The following DSCAM variants were observed in gnomAD, a reference collection of about 807,000 sequenced individuals.
The protein encoded by DSCAM is DS cell adhesion molecule.
DSCAM carries 47 observed loss-of-function variants against 217.7 expected under a neutral mutation model. The observed-to-expected ratio is 0.22, with a 90% CI of 0.17 to 0.28. The LOEUF (loss-of-function observed/expected upper bound fraction) is 0.28, where lower values mean the gene tolerates loss of function less well. Ranked by LOEUF, DSCAM falls within the 10% of genes least tolerant of loss-of-function variation. The pLI, the probability that DSCAM is intolerant of heterozygous loss-of-function variation, is 1.00. For synonymous variants in DSCAM, 1,056 were observed against 1,015.3 expected, an observed-to-expected ratio of 1.04 and a Z score of -0.76; for missense variants, 2,080 against 2,618.3, an observed-to-expected ratio of 0.79 and a Z score of 4.49.
In DSCAM at chr21:40,135,973, G is replaced by A. The variant is rs546804233; in HGVS notation, c.3407-1964C>T. Among the ~76,000 whole-genome samples, 345 of 152,328 alleles carry A rather than the reference G, an allele frequency of 2.3e-3. 3 individuals are homozygous for A. The highest frequency in any genetic ancestry group is 8.0e-3 in the African/African-American group (332 of 41,580). Reference sequence around the variant, plus strand: ...TGGCTCCCACAGTCCAGGCCCCAGTGGGAGCCAAAGGCCTGGGAGCACCAG... The same window carrying A: ...TGGCTCCCACAGTCCAGGCCCCAGTAGGAGCCAAAGGCCTGGGAGCACCAG... On this transcript the variant is annotated intron_variant, in intron 18 of 32. Transcript: ENST00000400454.
chr21:40,235,627 A>G (rs554548212), intron 11 of DSCAM, among the ~76,000 whole-genome samples: 105 of 152,214 alleles, frequency 6.9e-4, no homozygotes, highest in African/African-American at 2.4e-3. Context: ...TTCCATTCAA[A>G]ATGTATCTTC....
At chr21:40,289,478 T>TC (rs1197227622) in intron 10 of DSCAM, among the ~76,000 whole-genome samples, 1 of 152,072 alleles carries the variant, frequency 6.6e-6, no homozygotes, top group South Asian at 2.1e-4. Flanking sequence ...GTACAGTAGT[T>TC]CCCCCTCATC....
intron 3 of DSCAM, among the ~76,000 whole-genome samples, chr21:40,378,739 C>A (rs2074990926): frequency 6.6e-6 from 1 of 151,256 alleles, no homozygotes. Flanking sequence ...CTACAGGCGC[C>A]CGCTACCACG....
At chr21:40,197,639 TC>T (rs2091026829) in intron 11 of DSCAM, among the ~76,000 whole-genome samples, 1 of 152,210 alleles carries the variant, frequency 6.6e-6, no homozygotes, top group African/African-American at 2.4e-5. Flanking sequence ...CCCTTCTCTT[TC>T]CTCCTTCCTT....
At chr21:40,761,997 A>T (rs1329544555) in intron 1 of DSCAM, among the ~76,000 whole-genome samples, 2 of 152,236 alleles carry the variant, frequency 1.3e-5, no homozygotes, top group Non-Finnish European at 2.9e-5. Context: ...AAATGCCTAC[A>T]TCAGAAAGTG....
At chr21:40,175,281 T>A (rs958425159) in intron 15 of DSCAM, among the ~76,000 whole-genome samples, 61 of 152,210 alleles carry the variant, frequency 4.0e-4, no homozygotes, top group African/African-American at 1.4e-3. Context: ...GGCTAATTTT[T>A]TTTTGTATTT....
chr21:40,766,687 A>C (rs947079917), intron 1 of DSCAM, among the ~76,000 whole-genome samples: 3 of 115,624 alleles, frequency 2.6e-5, no homozygotes, highest in African/African-American at 3.5e-5. Flanking sequence ...AAAAAAAAAA[A>C]ACAACTTTTT....
chr21:40,382,422 C>A (rs2075035741), intron 3 of DSCAM, among the ~76,000 whole-genome samples: 1 of 152,174 alleles, frequency 6.6e-6, no homozygotes, highest in East Asian at 1.9e-4. Flanking sequence ...GCTTTGAGAC[C>A]AGCAAGTCTA....
At chr21:40,074,951 G>C in intron 27 of DSCAM, 86 bp downstream of exon 27, 1 of 1,418,476 alleles carries the variant, frequency 7.0e-7, no homozygotes, top group Non-Finnish European at 9.6e-7. Context: ...ACTCCCTTTT[G>C]AGGTTTGTTC....
intron 3 of DSCAM, among the ~76,000 whole-genome samples, chr21:40,628,383 C>T (rs2089632808): frequency 1.3e-5 from 2 of 152,138 alleles, no homozygotes; most frequent in African/African-American, 4.8e-5. Flanking sequence ...CCTCTACAGG[C>T]CTCTTCTTCT....
rs191476513 is a variant in DSCAM at position 40,247,198 on chromosome 21, G to T, written c.2356+28899C>A. 5.3e-5 allele frequency among the ~76,000 whole-genome samples: 8 copies of T among 152,024 alleles called. No homozygotes were observed. In the East Asian group the frequency reaches 9.7e-4, roughly 19 times the overall value. ...GATACAATTCAAGTTGAGATTTGGT[G>T]GGGGGGCACAGCCAAACCATATCAT... is the stretch of plus-strand genomic sequence containing the variant. On this transcript the variant is annotated intron_variant, in intron 11 of 32. Coordinates refer to ENST00000400454, the MANE Select transcript of DSCAM (RefSeq NM_001389.5).
chr21:40,045,945 G>GAATT (rs2088835484), intron 30 of DSCAM, among the ~76,000 whole-genome samples: 1 of 152,204 alleles, frequency 6.6e-6, no homozygotes, highest in African/African-American at 2.4e-5. Context: ...TTTTCTGAAG[G>GAATT]AATTCATAGA....
chr21:40,435,420 A>G (rs1006380613), intron 3 of DSCAM, among the ~76,000 whole-genome samples: 1 of 152,162 alleles, frequency 6.6e-6, no homozygotes, highest in African/African-American at 2.4e-5. Flanking sequence ...GAATTTTTGT[A>G]TAATCTTTAT....
intron 10 of DSCAM, among the ~76,000 whole-genome samples, chr21:40,292,186 T>A (rs1416983081): frequency 7.5e-5 from 1 of 13,286 alleles, no homozygotes; most frequent in African/African-American, 3.0e-4. Flanking sequence ...ATGTAATGAC[T>A]TTTTTTTTTT....
chr21:40,798,107 G>T (rs1377610153), intron 1 of DSCAM, among the ~76,000 whole-genome samples: 4 of 152,054 alleles, frequency 2.6e-5, no homozygotes, highest in Non-Finnish European at 1.5e-5. Flanking sequence ...TATCAAGTTA[G>T]CCAGCAGATT....
At chr21:40,680,184 CT>C in intron 3 of DSCAM, among the ~76,000 whole-genome samples, 1 of 152,146 alleles carries the variant, frequency 6.6e-6, no homozygotes, top group Non-Finnish European at 1.5e-5. Flanking sequence ...ATATGACTAA[CT>C]CAAGGTTACG....
chr21:40,434,916 G>T (rs1022840786), intron 3 of DSCAM, among the ~76,000 whole-genome samples: 1 of 152,108 alleles, frequency 6.6e-6, no homozygotes, highest in African/African-American at 2.4e-5. Flanking sequence ...AATTAGCCTT[G>T]TTTGTTGAGT....
At chr21:40,809,536 A>G (rs1480353631) in intron 1 of DSCAM, among the ~76,000 whole-genome samples, 1 of 152,200 alleles carries the variant, frequency 6.6e-6, no homozygotes, top group African/African-American at 2.4e-5. Context: ...GATGTTAAAC[A>G]TATAAGAATG....
intron 3 of DSCAM, among the ~76,000 whole-genome samples, chr21:40,653,006 T>C (rs2090034611): frequency 6.6e-6 from 1 of 152,170 alleles, no homozygotes; most frequent in African/African-American, 2.4e-5. Context: ...TGATACTCTG[T>C]ATGTGTTGTC....
Sources: gnomAD v4.1 joint callset for allele counts (sites outside exome capture counted in the v4.1 genomes callset) on GRCh38, gnomAD v4.1.1 for gene constraint, MANE v1.5 for transcripts, NCBI Gene and HGNC (gene_info 2026-07-23, HGNC 2026-07-21) for gene names.